The following EYS variants were observed in gnomAD, a reference collection of about 807,000 sequenced individuals.
The protein encoded by EYS is protein eyes shut homolog.
EYS carries 250 observed loss-of-function variants against 282.1 expected under a neutral mutation model. That is an observed-to-expected ratio of 0.89 (90% CI 0.80 to 0.98). The LOEUF (loss-of-function observed/expected upper bound fraction) is 0.98. EYS is among the 50% of genes least tolerant of loss of function. EYS has a pLI of 0.00. For synonymous variants in EYS, 1,355 were observed against 1,282.9 expected (o/e 1.06, Z -1.20); for missense variants, 4,016 against 3,709.0 (o/e 1.08, Z -2.15).
intron 12 of EYS, among the ~76,000 whole-genome samples, chr6:65,290,199 G>T (rs1412583942): frequency 6.6e-6 from 1 of 150,694 alleles, no homozygotes; most frequent in Non-Finnish European, 1.5e-5. Context: ...AGAACACAAA[G>T]AACAAAGCAT....
At chr6:63,777,105 G>A (rs1469194704) in intron 40 of EYS, among the ~76,000 whole-genome samples, 1 of 152,158 alleles carries the variant, frequency 6.6e-6, no homozygotes, top group Non-Finnish European at 1.5e-5. Context: ...TCCATGGGTT[G>A]AGTCAAACTA....
At chr6:64,041,872 C>A (rs1381566865) in intron 33 of EYS, among the ~76,000 whole-genome samples, 2 of 152,136 alleles carry the variant, frequency 1.3e-5, no homozygotes, top group Non-Finnish European at 2.9e-5. Context: ...CAGCTGGAAT[C>A]CAAAGTAAAT....
At chr6:65,224,585 GA>G (rs1406514024) in intron 12 of EYS, among the ~76,000 whole-genome samples, 2 of 150,100 alleles carry the variant, frequency 1.3e-5, no homozygotes, top group Non-Finnish European at 3.0e-5. Context: ...ATCAAGAAAT[GA>G]AATACGATAG....
intron 34 of EYS, among the ~76,000 whole-genome samples, chr6:63,990,880 T>C (rs1314354385): frequency 6.6e-6 from 1 of 151,730 alleles, no homozygotes; most frequent in East Asian, 1.9e-4. Context: ...GAGGCTGGTA[T>C]AGCTTCATGG....
In EYS at chr6:65,569,544, G is replaced by A. The variant is rs972104226; in HGVS notation, c.-333+70234C>T. 3.9e-5 allele frequency among the ~76,000 whole-genome samples: 6 copies of A among 152,066 alleles called. No individual in the cohort carries two copies. In the South Asian group the frequency reaches 6.2e-4, roughly 16 times the overall value. ...ATGCAGCTGGTGGCCACAAGATTCC[G>A]AACCTCCTCAGTTGTTCCCAGGGTT... On this transcript the variant is annotated intron_variant, in intron 2 of 42. Transcript: ENST00000503581.
At chr6:65,041,273 T>G (rs2150149267) in intron 13 of EYS, among the ~76,000 whole-genome samples, 1 of 151,834 alleles carries the variant, frequency 6.6e-6, no homozygotes, top group East Asian at 1.9e-4. Flanking sequence ...TGGCTCACGT[T>G]GCAGGTGAAT....
chr6:65,441,994 A>T (rs550293336), intron 5 of EYS, among the ~76,000 whole-genome samples: 2 of 152,126 alleles, frequency 1.3e-5, no homozygotes, highest in East Asian at 3.9e-4. Flanking sequence ...CTTTTTTGTG[A>T]CATGATTCAT....
chr6:64,466,855 TA>T (rs1420163170), intron 26 of EYS, among the ~76,000 whole-genome samples: 2 of 152,178 alleles, frequency 1.3e-5, no homozygotes, highest in African/African-American at 4.8e-5. Flanking sequence ...TTGCACATGA[TA>T]GATATATACA....
intron 35 of EYS, among the ~76,000 whole-genome samples, chr6:63,962,853 C>T (rs1202924821): frequency 6.6e-6 from 1 of 152,094 alleles, no homozygotes; most frequent in Non-Finnish European, 1.5e-5. Flanking sequence ...AGACTTGGAA[C>T]CAACCCAAAT....
intron 22 of EYS, among the ~76,000 whole-genome samples, chr6:64,653,532 C>T (rs901610233): frequency 2.0e-5 from 3 of 152,098 alleles, no homozygotes; most frequent in East Asian, 3.9e-4. Context: ...TCATTAATTT[C>T]TTCTATATTT....
At chr6:65,605,705 T>C (rs1187256901) in intron 2 of EYS, among the ~76,000 whole-genome samples, 2 of 151,822 alleles carry the variant, frequency 1.3e-5, no homozygotes, top group East Asian at 1.9e-4. Context: ...TTTTATTGTA[T>C]TGTAAGCACT....
At chr6:65,204,045 G>T (rs2150247561) in intron 12 of EYS, among the ~76,000 whole-genome samples, 1 of 152,052 alleles carries the variant, frequency 6.6e-6, no homozygotes, top group South Asian at 2.1e-4. Flanking sequence ...AGCAAACAAA[G>T]GCTTTGAAAA....
chr6:63,870,738 A>G (rs1157290923), intron 35 of EYS, among the ~76,000 whole-genome samples: 3 of 152,328 alleles, frequency 2.0e-5, no homozygotes, highest in Admixed American at 2.0e-4. Flanking sequence ...CTCTTTATAT[A>G]GAGTCAGTGT....
chr6:65,043,087 T>A (rs920485955), intron 13 of EYS, among the ~76,000 whole-genome samples: 1 of 151,630 alleles, frequency 6.6e-6, no homozygotes, highest in African/African-American at 2.4e-5. Flanking sequence ...TTACTGTGAT[T>A]TTTTGTTAAA....
chr6:64,907,210 C>A (rs1055801776), intron 16 of EYS, among the ~76,000 whole-genome samples: 3 of 152,080 alleles, frequency 2.0e-5, no homozygotes, highest in African/African-American at 7.2e-5. Context: ...TGAACCACCA[C>A]GCACTGCTAA....
At chr6:64,016,330 G>A (rs1768887936) in intron 33 of EYS, among the ~76,000 whole-genome samples, 1 of 152,016 alleles carries the variant, frequency 6.6e-6, no homozygotes, top group African/African-American at 2.4e-5. Flanking sequence ...TGAGATAAAT[G>A]GAAACATTCT....
At chr6:63,842,324 T>G (rs572416941) in intron 36 of EYS, among the ~76,000 whole-genome samples, 1 of 152,358 alleles carries the variant, frequency 6.6e-6, no homozygotes, top group Non-Finnish European at 1.5e-5. Flanking sequence ...AGATGGTGTC[T>G]CATTGTGGTT....
intron 35 of EYS, among the ~76,000 whole-genome samples, chr6:63,979,261 G>C (rs926879946): frequency 6.6e-6 from 1 of 151,910 alleles, no homozygotes; most frequent in African/African-American, 2.4e-5. Context: ...CAATAGGAGA[G>C]TTAAGTTATT....
At position 65,492,419 on chromosome 6, in the gene EYS, T is replaced by C. The variant is rs773414756; in HGVS notation, c.749-1712A>G. On this transcript the variant is annotated intron_variant, in intron 4 of 42. Coordinates refer to ENST00000503581, the MANE Select transcript of EYS (RefSeq NM_001142800.2). The stretch of plus-strand genomic sequence containing the variant: ...AGAAGGAAGGAAGGAAGGAAGGAAA[T>C]TGAGTAGGAAGCAAACCATTCTATG... Among the ~76,000 whole-genome samples, 4 of 146,404 alleles carry C rather than the reference T, an allele frequency of 2.7e-5. No individual in the cohort carries two copies. In the East Asian group the frequency reaches 6.0e-4, roughly 22 times the overall value.
Sources: gnomAD v4.1 joint callset for allele counts (sites outside exome capture counted in the v4.1 genomes callset) on GRCh38, gnomAD v4.1.1 for gene constraint, MANE v1.5 for transcripts, NCBI Gene and HGNC (gene_info 2026-07-23, HGNC 2026-07-21) for gene names.